Variants in TRPC1 observed in about 807,000 individuals in gnomAD.
TRPC1 encodes transient receptor potential cation channel subfamily C member 1.
Under a neutral mutation model 88.2 loss-of-function variants are expected in TRPC1, and 42 were observed. The observed-to-expected ratio is 0.48, with a 90% confidence interval of 0.37 to 0.62. The LOEUF (loss-of-function observed/expected upper bound fraction) is 0.62. Among genes scored for constraint, TRPC1 ranks in the 20% least tolerant of loss-of-function variants. The probability of loss-of-function intolerance (pLI) is 0.00; values close to 1 mark genes in which losing one functional copy is unlikely to be tolerated. For synonymous variants in TRPC1, 288 were observed against 331.8 expected, an observed-to-expected ratio of 0.87 and a Z score of 1.43; for missense variants, 699 against 957.3, an observed-to-expected ratio of 0.73 and a Z score of 3.56.
At chr3:142,726,440 T>A (rs1670226600) in intron 1 of TRPC1, among the ~76,000 whole-genome samples, 1 of 152,146 alleles carries the variant, frequency 6.6e-6, no homozygotes, top group Non-Finnish European at 1.5e-5. Flanking sequence ...TCTTTGTCAG[T>A]TTTTTATTTT....
intron 1 of TRPC1, among the ~76,000 whole-genome samples, chr3:142,727,530 C>T (rs1305726705): frequency 6.6e-6 from 1 of 152,162 alleles, no homozygotes; most frequent in African/African-American, 2.4e-5. Context: ...TAGGCAACTG[C>T]TGATCTAGGT....
chr3:142,791,373 A>G (rs1240569804), intron 8 of TRPC1, among the ~76,000 whole-genome samples: 1 of 152,090 alleles, frequency 6.6e-6, no homozygotes, highest in Admixed American at 6.6e-5. Context: ...TATAACAGGG[A>G]CCATAGTTCA....
At chr3:142,730,713 G>A (rs1362377404) in intron 1 of TRPC1, among the ~76,000 whole-genome samples, 1 of 116,838 alleles carries the variant, frequency 8.6e-6, no homozygotes, top group Admixed American at 7.6e-5. Flanking sequence ...TCCAGCAACT[G>A]AACTTGATCA....
chr3:142,763,981 T>TATATATATATATATATATATATATACAC (rs1162744315), intron 4 of TRPC1, among the ~76,000 whole-genome samples: 1 of 62,668 alleles, frequency 1.6e-5, no homozygotes, highest in Non-Finnish European at 2.8e-5. Flanking sequence ...TATATATATA[T>TATATATATATATATATATATATATACAC]ATACACATAC....
intron 3 of TRPC1, among the ~76,000 whole-genome samples, chr3:142,747,190 AG>A (rs1340993575): frequency 6.6e-6 from 1 of 152,150 alleles, no homozygotes; most frequent in Non-Finnish European, 1.5e-5. Flanking sequence ...TGTCCTTAAA[AG>A]GGGGGTGTAG....
intron 7 of TRPC1, among the ~76,000 whole-genome samples, chr3:142,789,737 A>G (rs1472140305): frequency 6.6e-6 from 1 of 152,210 alleles, no homozygotes; most frequent in Non-Finnish European, 1.5e-5. Flanking sequence ...ACCCATAAAA[A>G]TATATAGTTA....
intron 4 of TRPC1, among the ~76,000 whole-genome samples, chr3:142,771,689 A>G (rs1427213176): frequency 2.6e-5 from 4 of 152,180 alleles, no homozygotes; most frequent in Admixed American, 2.6e-4. Flanking sequence ...ATATGCTGTT[A>G]TTGGAAAATA....
At chr3:142,775,869 C>T (rs1374237802) in intron 4 of TRPC1, among the ~76,000 whole-genome samples, 2 of 152,068 alleles carry the variant, frequency 1.3e-5, no homozygotes, top group Non-Finnish European at 2.9e-5. Flanking sequence ...AATAGTAATA[C>T]CCAGTATTAA....
chr3:142,726,182 C>CT (rs1488233495), intron 1 of TRPC1, among the ~76,000 whole-genome samples: 2 of 152,104 alleles, frequency 1.3e-5, no homozygotes, highest in Non-Finnish European at 2.9e-5. Context: ...TGAGTAAGTG[C>CT]TGGCTCCATG....
intron 4 of TRPC1, among the ~76,000 whole-genome samples, chr3:142,750,136 A>G (rs572558206): frequency 6.6e-6 from 1 of 152,332 alleles, no homozygotes; most frequent in Admixed American, 6.5e-5. Context: ...TGAACAGGCA[A>G]ACTACAGAAT....
chr3:142,797,812 C>A (rs543644353), intron 9 of TRPC1, among the ~76,000 whole-genome samples: 16 of 152,014 alleles, frequency 1.1e-4, no homozygotes, highest in Admixed American at 1.0e-3. Flanking sequence ...TATGGCAGAC[C>A]TGAAAAATAA....
In TRPC1 at chr3:142,724,793, CCCG is replaced by C. The variant is rs1560087411; in HGVS notation, c.172+65_172+67del. On this transcript the variant is annotated intron_variant, in intron 1 of 12. Coordinates refer to ENST00000476941, the MANE Select transcript of TRPC1 (RefSeq NM_001251845.2). The surrounding 1 kb of genome is among the most constrained non-coding windows in gnomAD (Gnocchi z 5.6). ...GTCCTCCAGACCTTTAGTCCTCTCC[CCCG>C]CCTCAACTTATATCGGGGCATTCCC... The C allele has an allele frequency of 1.4e-6, 2 of 1,440,160 alleles. No individual in the cohort carries two copies. The highest frequency in any genetic ancestry group is 4.9e-5 in the Admixed American group (2 of 40,410). The allele number at this position is 1,440,160 out of a possible 1,614,324, so 89.2% of individuals were successfully genotyped here. A position where few individuals can be genotyped will look rare whatever the true frequency, so the allele number is the denominator to read the frequency against.
In TRPC1 at chr3:142,804,109, T is replaced by C; in HGVS notation, c.1890T>C (p.Asn630=). 1.2e-6 allele frequency: 2 copies of C among 1,613,924 alleles called. No homozygotes were observed. Among genetic ancestry groups the C allele is most frequent in the African/African-American group, 1.3e-5 (1 of 75,028 alleles). Residue 630 remains asparagine (N), a synonymous_variant, in exon 11 of 13, where the codon AAT becomes AAC. Coordinates refer to ENST00000476941, the MANE Select transcript of TRPC1 (RefSeq NM_001251845.2). The part of the protein sequence containing the change: ...FVGAVIVGTY[N]VVVVIVLTKL... Reference sequence around the variant, plus strand: ...GAGCTGTCATTGTTGGTACATACAATGTCGTGGTTGTGATTGTGCTTACCA... The same window carrying C: ...GAGCTGTCATTGTTGGTACATACAACGTCGTGGTTGTGATTGTGCTTACCA...
chr3:142,767,189 A>G lies in TRPC1; in HGVS notation c.633-10443A>G, dbSNP rs1017685320. Among the ~76,000 whole-genome samples, 1 of 152,094 alleles carries G rather than the reference A, an allele frequency of 6.6e-6. No individual in the cohort carries two copies. Among genetic ancestry groups the G allele is most frequent in the African/African-American group, 2.4e-5 (1 of 41,448 alleles). ...TCTTTATTTTTACTGTTTATTCCTA[A>G]GTATTTTATACTTTTTGATACTATT... On this transcript the variant is annotated intron_variant, in intron 4 of 12. Transcript: ENST00000476941. This position sits in a 1 kb window ranked among gnomAD's most constrained non-coding sequence, Gnocchi z 5.1.
At chr3:142,778,591 C>T (rs1285653554) in intron 5 of TRPC1, among the ~76,000 whole-genome samples, 2 of 152,274 alleles carry the variant, frequency 1.3e-5, no homozygotes, top group Admixed American at 6.5e-5. Context: ...GAATTGATTA[C>T]GATTTTTTAC....
chr3:142,734,434 A>G (rs1577943095), intron 1 of TRPC1, among the ~76,000 whole-genome samples: 2 of 152,280 alleles, frequency 1.3e-5, no homozygotes, highest in East Asian at 3.9e-4. Flanking sequence ...TGGAAGAAAT[A>G]TGTGAAGAAA....
chr3:142,782,301 T>C (rs753569046), intron 6 of TRPC1, among the ~76,000 whole-genome samples: 1 of 152,116 alleles, frequency 6.6e-6, no homozygotes, highest in Non-Finnish European at 1.5e-5. Context: ...GTAGTAGTAA[T>C]ATTTGTTAGT....
At chr3:142,805,791 T>A (rs1490699680) in intron 12 of TRPC1, among the ~76,000 whole-genome samples, 1 of 152,174 alleles carries the variant, frequency 6.6e-6, no homozygotes, top group Non-Finnish European at 1.5e-5. Flanking sequence ...TAAGACTAAT[T>A]TTTTTCAATC....
chr3:142,755,533 T>C (rs1398839501), intron 4 of TRPC1, among the ~76,000 whole-genome samples: 2 of 152,252 alleles, frequency 1.3e-5, no homozygotes, highest in African/African-American at 4.8e-5. Context: ...TTTCTGCCTA[T>C]ACAGAATTCC....
Sources: allele counts gnomAD v4.1 joint callset (sites outside exome capture counted in the v4.1 genomes callset), GRCh38; gene constraint gnomAD v4.1.1; non-coding constraint Gnocchi (gnomAD v3.1); transcripts MANE v1.5; gene names NCBI Gene and HGNC (gene_info 2026-07-23, HGNC 2026-07-21).